Variants in LRRC56 observed in about 807,000 individuals in gnomAD.
LRRC56 encodes leucine-rich repeat-containing protein 56.
A neutral mutation model predicts 47.8 loss-of-function variants in LRRC56; 41 were observed. The ratio of observed to expected loss-of-function variants is 0.86; its 90% CI spans 0.67 to 1.11. The LOEUF is 1.11. Among genes scored for constraint, LRRC56 ranks in the 50% most tolerant of loss-of-function variants. The pLI is 0.00. For synonymous variants in LRRC56, 387 were observed against 311.2 expected, an observed-to-expected ratio of 1.24 and a Z score of -2.56; for missense variants, 759 against 704.2, an observed-to-expected ratio of 1.08 and a Z score of -0.88.
intron 12 of LRRC56, 78 bp from the exon 13 acceptor site, chr11:552,491 A>G (rs1343784467): frequency 2.2e-6 from 3 of 1,364,974 alleles, no homozygotes; most frequent in East Asian, 2.5e-5. Context: ...CCCAGTCCCA[A>G]GGCTCATGGA....
At position 554,048 on chromosome 11, in the gene LRRC56, G is replaced by A. The variant is rs1175502587; in HGVS notation, c.1401G>A (p.Arg467=). Residue 467 remains arginine, a synonymous_variant, in exon 14 of 14, where the codon CGG becomes CGA. Coordinates refer to ENST00000270115, the MANE Select transcript of LRRC56 (RefSeq NM_198075.4). The stretch of plus-strand genomic sequence containing the variant: ...GAGATTCTGGCAGCAGCTCCCCGCG[G>A]TGGTCGACAGACCTGCAGTCCAGGG... ...RPRDSGSSSP[R]WSTDLQSRGR... 2.5e-6 allele frequency: 4 copies of A among 1,611,678 alleles called. No homozygotes were observed. Among genetic ancestry groups the A allele is most frequent in the South Asian group, 2.2e-5 (2 of 91,076 alleles).
chr11:521,481 G>A, the LRRC56 span, among the ~76,000 whole-genome samples: 1 of 152,096 alleles, frequency 6.6e-6, no homozygotes, highest in Non-Finnish European at 1.5e-5. Context: ...GCTAATTTTT[G>A]TATTTTTGGC....
rs776447263 is a variant in LRRC56, at chr11:553,978, C to T, written c.1331C>T (p.Ser444Leu). The change falls in exon 14 of 14, where the codon TCG becomes TTG. Residue 444 changes from serine to leucine, a missense_variant. Ser to Leu is a moderately radical substitution (Grantham distance 145, BLOSUM62 -2). Transcript: ENST00000270115. ...PSLASEPSGT[S>L]SQHLVPSPPK... ...TGCTTTCTAGAGCCCTCCGGGACCT[C>T]GAGCCAGCACCTGGTCCCTTCACCT... 3.0e-5 allele frequency: 49 copies of T among 1,611,844 alleles called. No individual in the cohort carries two copies. Among genetic ancestry groups the T allele is most frequent in the African/African-American group, 4.0e-5 (3 of 74,874 alleles).
chr11:536,562 G>C (rs1196093213), upstream of LRRC56, among the ~76,000 whole-genome samples: 1 of 152,188 alleles, frequency 6.6e-6, no homozygotes, highest in Non-Finnish European at 1.5e-5. Flanking sequence ...TTGAGGTCAG[G>C]AGTTCAAGAC....
chr11:530,448 AGTGTGGCGTCCCCTGGAGAGAAGGGCG>A, the LRRC56 span, among the ~76,000 whole-genome samples: 12 of 139,128 alleles, frequency 8.6e-5, no homozygotes, highest in African/African-American at 2.5e-4. Context: ...CAGAAGGGCA[AGTGTGGCGTCCCCTGGAGAGAAGGGCG>A]AGTGTGGCGT....
chr11:530,548 G>A, the LRRC56 span, among the ~76,000 whole-genome samples: 4 of 88,458 alleles, frequency 4.5e-5, no homozygotes, highest in African/African-American at 5.3e-5. Flanking sequence ...GCGTCCCCTG[G>A]ACAGAAGGGG....
At chr11:516,637 A>G in the LRRC56 span, among the ~76,000 whole-genome samples, 1 of 152,214 alleles carries the variant, frequency 6.6e-6, no homozygotes, top group African/African-American at 2.4e-5. Flanking sequence ...CCATATAAGC[A>G]GATTAAAAGA....
Position 538,603 on chromosome 11 carries a change from C to T in LRRC56, c.-416C>T, listed in dbSNP as rs1851634374. The T allele has an allele frequency of 6.6e-6, 1 of 152,444 alleles. No individual in the cohort carries two copies. Among genetic ancestry groups the T allele is most frequent in the Non-Finnish European group, 1.5e-5 (1 of 68,202 alleles). 9.4% of individuals were successfully genotyped at this position (152,444 alleles called of 1,614,324 possible). ...CCCACCACCTCTGTCAACAGCCGGCCAACTCGCCTGGCACAGGGGCAGCTC... is the reference window on the plus strand; with the variant it reads ...CCCACCACCTCTGTCAACAGCCGGCTAACTCGCCTGGCACAGGGGCAGCTC... On this transcript the variant is annotated 5_prime_UTR_variant, in exon 2 of 14. Transcript: ENST00000270115.
upstream of LRRC56, chr11:537,435 C>G (rs1160744568): frequency 2.0e-5 from 3 of 152,220 alleles, no homozygotes; most frequent in Non-Finnish European, 4.4e-5. Context: ...GAGCCCCCGG[C>G]GACTTATAAA....
the LRRC56 span, among the ~76,000 whole-genome samples, chr11:513,278 G>A: frequency 3.9e-5 from 6 of 152,132 alleles, no homozygotes; most frequent in East Asian, 7.7e-4. Flanking sequence ...TCAGCCACCC[G>A]AGTAGCTGGG....
the LRRC56 span, among the ~76,000 whole-genome samples, chr11:514,529 A>C: frequency 6.6e-6 from 1 of 151,192 alleles, no homozygotes; most frequent in Non-Finnish European, 1.5e-5. Flanking sequence ...CAATCTGCCC[A>C]CTTGACCTCC....
chr11:528,056 G>C, the LRRC56 span, among the ~76,000 whole-genome samples: 6 of 151,720 alleles, frequency 4.0e-5, no homozygotes, highest in Non-Finnish European at 8.8e-5. Context: ...GGCTGGTCTT[G>C]AACTCCTGAC....
chr11:523,960 C>A, the LRRC56 span, among the ~76,000 whole-genome samples: 3 of 151,870 alleles, frequency 2.0e-5, no homozygotes, highest in African/African-American at 7.3e-5. Context: ...AAAAAGAAAA[C>A]TACAAGATCT....
chr11:524,051 G>A, the LRRC56 span, among the ~76,000 whole-genome samples: 3 of 152,076 alleles, frequency 2.0e-5, no homozygotes, highest in Non-Finnish European at 4.4e-5. Context: ...TACAGGTATC[G>A]GTTCTCGGTA....
rs771388679 is a variant in LRRC56 at position 540,788 on chromosome 11, G to A, written c.104G>A (p.Ser35Asn). The change falls in exon 4 of 14, where the codon AGC becomes AAC. Residue 35 changes from serine (S) to asparagine (N), a missense_variant. Ser to Asn is a conservative substitution (Grantham distance 46). Coordinates refer to ENST00000270115, the MANE Select transcript of LRRC56 (RefSeq NM_198075.4). ...WQGLHNPCPQ[S>N]KGPGSQRDRL... ...GGCCTGCACAACCCCTGCCCACAGA[G>A]CAAGGGCCCTGGCAGTCAGAGGGAC... 6.2e-7 allele frequency: 1 copy of A among 1,608,016 alleles called. No homozygotes were observed. Among genetic ancestry groups the A allele is most frequent in the Non-Finnish European group, 8.5e-7 (1 of 1,177,932 alleles).
intron 2 of LRRC56, among the ~76,000 whole-genome samples, chr11:539,250 A>G (rs919681199): frequency 2.8e-5 from 4 of 140,682 alleles, no homozygotes; most frequent in South Asian, 2.3e-4. Flanking sequence ...CTGGCTAACT[A>G]TGTTTTTTGT....
In LRRC56 at chr11:541,790, G is replaced by C. The variant is rs900101097; in HGVS notation, c.265+166G>C. On this transcript the variant is annotated intron_variant, in intron 5 of 13. Transcript: ENST00000270115. This position sits in a 1 kb window ranked among gnomAD's most constrained non-coding sequence, Gnocchi z 4.1. ...GAGGTCTGTGTCAGGTACAGGCAGA[G>C]GGCAATGCACTCAGCACCCCGCACA... is the stretch of plus-strand genomic sequence containing the variant. Among the ~76,000 whole-genome samples the C allele has an allele frequency of 6.6e-6, 1 of 151,928 alleles. No homozygotes were observed. Among genetic ancestry groups the C allele is most frequent in the Non-Finnish European group, 1.5e-5 (1 of 67,964 alleles).
intron 5 of LRRC56, among the ~76,000 whole-genome samples, chr11:542,580 C>CAAAAAAAAAAAAAAAAAAAAAAAAA (rs71022928): frequency 7.7e-5 from 2 of 26,000 alleles, no homozygotes; most frequent in Admixed American, 4.6e-4. Context: ...AACCCTGTCG[C>CAAAAAAAAAAAAAAAAAAAAAAAAA]AAAAAAAAAA....
In LRRC56 at chr11:552,072, G is replaced by A. The variant is rs757758265; in HGVS notation, c.1039-18G>A. 2 of 1,608,202 alleles carry A rather than the reference G, an allele frequency of 1.2e-6. No individual in the cohort carries two copies. The highest frequency in any genetic ancestry group is 1.3e-5 in the African/African-American group (1 of 74,828). On this transcript the variant is annotated intron_variant, in intron 11 of 13. Coordinates refer to ENST00000270115, the MANE Select transcript of LRRC56 (RefSeq NM_198075.4). ...TTCCAGGGCCAGAATCCCTAAAGCAGTCCCTTTTCCTCCCCAGGCCAGGGA... is the reference window on the plus strand; with the variant it reads ...TTCCAGGGCCAGAATCCCTAAAGCAATCCCTTTTCCTCCCCAGGCCAGGGA...
Sources: gnomAD v4.1 joint callset for allele counts (sites outside exome capture counted in the v4.1 genomes callset) on GRCh38, gnomAD v4.1.1 for gene constraint, Gnocchi (gnomAD v3.1) non-coding constraint, MANE v1.5 for transcripts, NCBI Gene and HGNC (gene_info 2026-07-23, HGNC 2026-07-21) for gene names.